Variants in PCDHA5 observed in about 807,000 individuals in gnomAD.
The protein encoded by PCDHA5 is protocadherin alpha-5.
PCDHA5 carries 43 observed loss-of-function variants against 61.6 expected under a neutral mutation model. The observed-to-expected ratio is 0.70, with a 90% CI of 0.55 to 0.90. PCDHA5 has a LOEUF of 0.90. PCDHA5 is among the 40% of genes least tolerant of loss of function. PCDHA5 has a pLI of 0.00. For synonymous variants in PCDHA5, 627 were observed against 543.9 expected, an observed-to-expected ratio of 1.15 and a Z score of -2.13; for missense variants, 1,298 against 1,222.7, an observed-to-expected ratio of 1.06 and a Z score of -0.92.
intron 1 of PCDHA5, chr5:140,861,500 C>A: frequency 6.2e-6 from 3 of 482,022 alleles, no homozygotes; most frequent in South Asian, 1.6e-5. Flanking sequence ...CTCTGATAGA[C>A]CTCGAGGAGC....
intron 1 of PCDHA5, chr5:140,825,364 A>G (rs1554130202): frequency 6.8e-6 from 1 of 147,296 alleles, no homozygotes; most frequent in Non-Finnish European, 1.5e-5. Context: ...TATTAGATAT[A>G]TAAATATCTA....
At chr5:140,943,386 A>G (rs1245126281) in intron 1 of PCDHA5, among the ~76,000 whole-genome samples, 2 of 152,154 alleles carry the variant, frequency 1.3e-5, no homozygotes, top group African/African-American at 4.8e-5. Flanking sequence ...CAGGTAAGAA[A>G]TTATGGATAT....
At chr5:140,920,638 G>T (rs1245142321) in intron 1 of PCDHA5, among the ~76,000 whole-genome samples, 2 of 152,114 alleles carry the variant, frequency 1.3e-5, no homozygotes, top group African/African-American at 4.8e-5. Flanking sequence ...AAGGTCAAGA[G>T]ATTGAGACCA....
intron 1 of PCDHA5, chr5:140,830,073 C>T (rs2150180623): frequency 6.2e-7 from 1 of 1,613,470 alleles, no homozygotes; most frequent in African/African-American, 1.3e-5. Flanking sequence ...GCGCTGACAG[C>T]GACGGCCACG....
At chr5:140,861,714 C>T (rs1270815582) in intron 1 of PCDHA5, 2 of 216,396 alleles carry the variant, frequency 9.2e-6, no homozygotes, top group Non-Finnish European at 1.9e-5. Flanking sequence ...GACGTCGGGG[C>T]CAATGCTCTG....
intron 1 of PCDHA5, chr5:140,876,965 G>C (rs1554169161): frequency 1.9e-6 from 3 of 1,612,976 alleles, no homozygotes; most frequent in East Asian, 2.2e-5. Flanking sequence ...GTGGAGCGGC[G>C]GGTGGGCGAG....
intron 1 of PCDHA5, chr5:140,851,046 C>A: frequency 7.2e-7 from 1 of 1,389,024 alleles, no homozygotes; most frequent in Non-Finnish European, 9.4e-7. Context: ...TTGGAGCCGA[C>A]TTTGTCTTGA....
chr5:140,893,863 A>G (rs568224949), intron 1 of PCDHA5, among the ~76,000 whole-genome samples: 1 of 152,300 alleles, frequency 6.6e-6, no homozygotes, highest in African/African-American at 2.4e-5. Context: ...GTATAGAAAC[A>G]ACCCAGATCC....
At chr5:140,887,284 G>T (rs1374515637) in intron 1 of PCDHA5, among the ~76,000 whole-genome samples, 1 of 152,044 alleles carries the variant, frequency 6.6e-6, no homozygotes, top group Non-Finnish European at 1.5e-5. Context: ...TTTTAGTAGA[G>T]ATGGGGTTTC....
At chr5:140,897,458 G>A (rs191522392) in intron 1 of PCDHA5, among the ~76,000 whole-genome samples, 7 of 151,428 alleles carry the variant, frequency 4.6e-5, no homozygotes, top group African/African-American at 2.4e-5. Context: ...TTGTCCTTGC[G>A]ATAGTTTACT....
intron 1 of PCDHA5, among the ~76,000 whole-genome samples, chr5:140,844,348 A>T (rs1466711189): frequency 6.7e-6 from 1 of 149,514 alleles, no homozygotes; most frequent in Non-Finnish European, 1.5e-5. Context: ...AAGTAAAATC[A>T]AGAGGGAAGA....
At chr5:140,919,127 T>A (rs2079016296) in intron 1 of PCDHA5, among the ~76,000 whole-genome samples, 1 of 152,192 alleles carries the variant, frequency 6.6e-6, no homozygotes, top group East Asian at 1.9e-4. Flanking sequence ...TTGCTTCATG[T>A]GTTTTGGGGC....
chr5:140,848,619 G>T lies in PCDHA5; in HGVS notation c.2352+24492G>T, dbSNP rs545024019. The T allele has an allele frequency of 8.2e-6, 13 of 1,593,396 alleles. No homozygotes were observed. The highest frequency in any genetic ancestry group is 5.4e-5 in the African/African-American group (4 of 74,388). On this transcript the variant is annotated intron_variant, in intron 1 of 3. Coordinates refer to ENST00000529859, the MANE Select transcript of PCDHA5 (RefSeq NM_018908.3). ...CTCCGTCCCGGAGGAAGCCGAACAC[G>T]GCACCTTCGTGGGCCGCATCGCGCA...
At position 140,824,610 on chromosome 5, in the gene PCDHA5, G is replaced by GTTTTT. The variant is rs782443702; in HGVS notation, c.2352+501_2352+505dup. 4.6e-3 allele frequency: 437 copies of GTTTTT among 95,104 alleles called. 77 individuals carry two copies. Among genetic ancestry groups the GTTTTT allele is most frequent in the African/African-American group, 0.02 (401 of 20,564 alleles). 5.9% of individuals were successfully genotyped at this position (95,104 alleles called of 1,614,324 possible). On this transcript the variant is annotated intron_variant, in intron 1 of 3. Transcript: ENST00000529859. Reference sequence around the variant, plus strand: ...GGACTACATGCACATGCTAATTAAAGTTTTTTTTTTTTTTTTTTTTTTATT... The same window carrying GTTTTT: ...GGACTACATGCACATGCTAATTAAAGTTTTTTTTTTTTTTTTTTTTTTTTTTTATT...
chr5:140,849,902 G>T, intron 1 of PCDHA5: 2 of 1,598,532 alleles, frequency 1.3e-6, no homozygotes, highest in African/African-American at 1.3e-5. Context: ...AGAACAACCC[G>T]CCGGGCTGCC....
chr5:140,913,463 G>C (rs1230048611), intron 1 of PCDHA5, among the ~76,000 whole-genome samples: 4 of 151,500 alleles, frequency 2.6e-5, no homozygotes, highest in African/African-American at 2.4e-5. Flanking sequence ...TATTTACTTG[G>C]GTCTTCTCTC....
chr5:140,999,528 T>A (rs1414595805), intron 3 of PCDHA5, among the ~76,000 whole-genome samples: 1 of 152,080 alleles, frequency 6.6e-6, no homozygotes, highest in Non-Finnish European at 1.5e-5. Context: ...TGTTACCCCC[T>A]GGATATGACA....
chr5:140,874,295 C>G (rs1395734627), intron 1 of PCDHA5, among the ~76,000 whole-genome samples: 2 of 152,110 alleles, frequency 1.3e-5, no homozygotes, highest in Non-Finnish European at 2.9e-5. Context: ...TCTATGTGTA[C>G]TTGTTCACAA....
At chr5:140,850,446 G>A (rs2150484747) in intron 1 of PCDHA5, 1 of 1,598,030 alleles carries the variant, frequency 6.3e-7, no homozygotes, top group Non-Finnish European at 8.6e-7. Context: ...ACTGGTGCTG[G>A]TGAAAGACCA....
Sources: gnomAD v4.1 joint callset for allele counts (sites outside exome capture counted in the v4.1 genomes callset) on GRCh38, gnomAD v4.1.1 for gene constraint, MANE v1.5 for transcripts, NCBI Gene and HGNC (gene_info 2026-07-23, HGNC 2026-07-21) for gene names.